The following BMPR1A variants were observed in gnomAD, a reference collection of about 807,000 sequenced individuals.
BMPR1A encodes bone morphogenetic protein receptor type-1A.
A neutral mutation model predicts 66.0 loss-of-function variants in BMPR1A; 7 were observed. The ratio of observed to expected loss-of-function variants is 0.11; its 90% CI spans 0.06 to 0.20. BMPR1A has a LOEUF of 0.20. Among genes scored for constraint, BMPR1A ranks in the 10% least tolerant of loss-of-function variants. The pLI, the probability that BMPR1A is intolerant of heterozygous loss-of-function variation, is 1.00. For synonymous variants in BMPR1A, 200 were observed against 229.7 expected (o/e 0.87, Z 1.17); for missense variants, 408 against 669.1 (o/e 0.61, Z 4.31).
chr10:86,839,794 A>T (rs1842400381), intron 2 of BMPR1A, among the ~76,000 whole-genome samples: 1 of 151,732 alleles, frequency 6.6e-6, no homozygotes, highest in Admixed American at 6.6e-5. Flanking sequence ...CATAGCTGGG[A>T]CTACAGGCAC....
intron 1 of BMPR1A, among the ~76,000 whole-genome samples, chr10:86,794,179 C>T (rs1469644193): frequency 6.6e-6 from 1 of 152,142 alleles, no homozygotes; most frequent in African/African-American, 2.4e-5. Context: ...CTGCAGGGGC[C>T]ATTATCCTGC....
rs761667031 is a variant in BMPR1A, at chr10:86,911,704, C to T, written c.531-536C>T. Among the ~76,000 whole-genome samples the T allele has an allele frequency of 4.2e-4, 64 of 151,968 alleles. 2 individuals carry two copies. The highest frequency in any genetic ancestry group is 1.2e-4 in the Non-Finnish European group (8 of 68,002). ...GGCAGAGGTTGCAGTGAACTGAGAT[C>T]GTACCACTGCATTCCAGCCTGGGCA... On this transcript the variant is annotated intron_variant, in intron 7 of 12. Coordinates refer to ENST00000372037, the MANE Select transcript of BMPR1A (RefSeq NM_004329.3).
rs11202206 is a variant in BMPR1A, at chr10:86,816,490, A to G, written c.-267-22375A>G. Among the ~76,000 whole-genome samples, 1,427 of 152,352 alleles carry G rather than the reference A, an allele frequency of 9.4e-3. 24 individuals carry two copies. The highest frequency in any genetic ancestry group is 0.077 in the South Asian group (369 of 4,820). On this transcript the variant is annotated intron_variant, in intron 1 of 12. Coordinates refer to ENST00000372037, the MANE Select transcript of BMPR1A (RefSeq NM_004329.3). ...AGTTGATTGTCAGAGAAACTGAATC[A>G]GTGAAACTCCAGATTTGAAGAGAGT...
chr10:86,781,577 G>GGATTGCATTGGATCTGTA (rs1386597546), intron 1 of BMPR1A, among the ~76,000 whole-genome samples: 2 of 152,130 alleles, frequency 1.3e-5, no homozygotes, highest in East Asian at 3.9e-4. Context: ...ATTTTGATAG[G>GGATTGCATTGGATCTGTA]GATTGCATTG....
intron 1 of BMPR1A, among the ~76,000 whole-genome samples, chr10:86,789,729 AC>A: frequency 6.6e-6 from 1 of 151,300 alleles, no homozygotes; most frequent in Non-Finnish European, 1.5e-5. Context: ...AAAAAAACAA[AC>A]AAACACGTAA....
intron 7 of BMPR1A, among the ~76,000 whole-genome samples, chr10:86,906,751 A>AAC (rs1843397877): frequency 7.1e-6 from 1 of 140,154 alleles, no homozygotes; most frequent in Admixed American, 7.2e-5. Flanking sequence ...AAAAAAAAAA[A>AAC]AAAAAAAAAA....
intron 1 of BMPR1A, among the ~76,000 whole-genome samples, chr10:86,804,254 ATTTTG>A (rs1841853349): frequency 6.6e-6 from 1 of 152,032 alleles, no homozygotes; most frequent in Non-Finnish European, 1.5e-5. Flanking sequence ...GTTTTCTTTT[ATTTTG>A]AGACAGAGTC....
chr10:86,912,778 G>T (rs534038538), intron 8 of BMPR1A, among the ~76,000 whole-genome samples: 2 of 152,132 alleles, frequency 1.3e-5, no homozygotes, highest in Admixed American at 6.5e-5. Flanking sequence ...ATTGATTGAG[G>T]GAACTGTAAC....
intron 2 of BMPR1A, among the ~76,000 whole-genome samples, chr10:86,848,342 A>G (rs1842514735): frequency 6.6e-6 from 1 of 152,238 alleles, no homozygotes; most frequent in Admixed American, 6.5e-5. Flanking sequence ...TGAAGTATGT[A>G]GAACAGTGCC....
chr10:86,768,473 A>G (rs1821717179), intron 1 of BMPR1A, among the ~76,000 whole-genome samples: 1 of 152,128 alleles, frequency 6.6e-6, no homozygotes, highest in Non-Finnish European at 1.5e-5. Flanking sequence ...TCTTAAAATT[A>G]TGCACTCTTC....
intron 2 of BMPR1A, among the ~76,000 whole-genome samples, chr10:86,861,985 A>G (rs1022371653): frequency 1.3e-5 from 2 of 152,208 alleles, no homozygotes; most frequent in African/African-American, 4.8e-5. Context: ...TGCTCCATTC[A>G]GTCATTCCCT....
chr10:86,760,521 G>C (rs1271464749), intron 1 of BMPR1A, among the ~76,000 whole-genome samples: 3 of 152,008 alleles, frequency 2.0e-5, no homozygotes, highest in African/African-American at 7.3e-5. Context: ...CACAGGTGAG[G>C]CACTGTGGCT....
intron 1 of BMPR1A, among the ~76,000 whole-genome samples, chr10:86,813,152 G>C (rs900156767): frequency 6.6e-6 from 1 of 151,998 alleles, no homozygotes; most frequent in African/African-American, 2.4e-5. Flanking sequence ...CTCATTTGTT[G>C]GGGTTCAGTC....
intron 7 of BMPR1A, among the ~76,000 whole-genome samples, chr10:86,909,363 T>C (rs913116509): frequency 6.6e-6 from 1 of 151,836 alleles, no homozygotes; most frequent in African/African-American, 2.4e-5. Flanking sequence ...GAGGCTGAGG[T>C]GGGTGGATCA....
intron 2 of BMPR1A, chr10:86,855,004 TCCA>T: frequency 5.5e-6 from 1 of 182,290 alleles, no homozygotes; most frequent in Non-Finnish European, 1.1e-5. Context: ...TGGTGCAACC[TCCA>T]CTCCCTGCAA....
At chr10:86,765,654 A>C (rs1589704987) in intron 1 of BMPR1A, among the ~76,000 whole-genome samples, 1 of 152,164 alleles carries the variant, frequency 6.6e-6, no homozygotes, top group South Asian at 2.1e-4. Context: ...GCTAATACAC[A>C]TGGTGAAACT....
intron 2 of BMPR1A, among the ~76,000 whole-genome samples, chr10:86,846,330 G>C (rs1216103202): frequency 6.6e-6 from 1 of 152,106 alleles, no homozygotes; most frequent in Non-Finnish European, 1.5e-5. Flanking sequence ...TGACGGGCCT[G>C]GTACTCCAGC....
At chr10:86,824,633 G>T (rs1022708976) in intron 1 of BMPR1A, among the ~76,000 whole-genome samples, 5 of 152,136 alleles carry the variant, frequency 3.3e-5, no homozygotes, top group African/African-American at 7.2e-5. Context: ...TTTTACATGG[G>T]TGCTCTTAAT....
intron 2 of BMPR1A, among the ~76,000 whole-genome samples, chr10:86,862,220 G>T (rs918981876): frequency 1.3e-5 from 2 of 152,218 alleles, no homozygotes; most frequent in Non-Finnish European, 2.9e-5. Context: ...ATGGGGATGG[G>T]ATTACAGTTT....
Sources: gnomAD v4.1 joint callset for allele counts (sites outside exome capture counted in the v4.1 genomes callset) on GRCh38, gnomAD v4.1.1 for gene constraint, MANE v1.5 for transcripts, NCBI Gene and HGNC (gene_info 2026-07-23, HGNC 2026-07-21) for gene names.